The following TNFRSF8 variants were observed in gnomAD, a reference collection of about 807,000 sequenced individuals.
TNFRSF8 encodes the protein tumor necrosis factor receptor superfamily member 8.
A neutral mutation model predicts 70.8 loss-of-function variants in TNFRSF8; 26 were observed. That is an observed-to-expected ratio of 0.37 (90% CI 0.27 to 0.51). TNFRSF8 has a LOEUF of 0.51. TNFRSF8 is among the 20% of genes least tolerant of loss of function. The pLI, the probability that TNFRSF8 is intolerant of heterozygous loss-of-function variation, is 0.94. For synonymous variants in TNFRSF8, 356 were observed against 339.2 expected (o/e 1.05, Z -0.54); for missense variants, 720 against 807.9 (o/e 0.89, Z 1.32).
At chr1:12,135,550 A>G (rs1642130450) in intron 12 of TNFRSF8, 38 bp from the exon 13 acceptor site, 2 of 1,613,462 alleles carry the variant, frequency 1.2e-6, no homozygotes, top group Non-Finnish European at 1.7e-6. Flanking sequence ...GGGGGCTGCC[A>G]GACTCCTTGG....
chr1:12,116,816 A>G (rs746840614), intron 8 of TNFRSF8, among the ~76,000 whole-genome samples: 6 of 151,954 alleles, frequency 3.9e-5, no homozygotes, highest in Non-Finnish European at 8.8e-5. Flanking sequence ...AAAAAAAACC[A>G]AGTGGAGGGA....
chr1:12,075,373 G>A (rs1309285995), intron 1 of TNFRSF8, among the ~76,000 whole-genome samples: 4 of 151,862 alleles, frequency 2.6e-5, no homozygotes, highest in Non-Finnish European at 1.5e-5. Flanking sequence ...GGTGTGAACC[G>A]CTGCGCCTGT....
chr1:12,130,814 G>A (rs2101036937), intron 12 of TNFRSF8, among the ~76,000 whole-genome samples: 1 of 152,344 alleles, frequency 6.6e-6, no homozygotes, highest in South Asian at 2.1e-4. Context: ...ATTCCAAAAG[G>A]CAAGGAAACC....
intron 14 of TNFRSF8, among the ~76,000 whole-genome samples, chr1:12,140,918 C>T (rs1642241251): frequency 6.6e-6 from 1 of 152,046 alleles, no homozygotes; most frequent in South Asian, 2.1e-4. Context: ...TTTTGCCCAG[C>T]CCTCTATAGG....
intron 8 of TNFRSF8, among the ~76,000 whole-genome samples, chr1:12,121,400 T>G (rs1641826706): frequency 6.6e-6 from 1 of 152,098 alleles, no homozygotes; most frequent in Non-Finnish European, 1.5e-5. Context: ...TTGTACCACA[T>G]CAAAAAGGGG....
chr1:12,114,974 C>T (rs953965152), intron 7 of TNFRSF8, among the ~76,000 whole-genome samples: 4 of 151,748 alleles, frequency 2.6e-5, no homozygotes, highest in Non-Finnish European at 4.4e-5. Flanking sequence ...CCCAAAGTGC[C>T]GGGATTACAG....
Position 12,076,262 on chromosome 1 carries a change from G to A in TNFRSF8, c.64-8202G>A, listed in dbSNP as rs373931928. Reference sequence around the variant, plus strand: ...ATTACAGGCATAAGCCACCATGCCCGGCTAATTTTGTATTTTTAGTAGAGA... The same window carrying A: ...ATTACAGGCATAAGCCACCATGCCCAGCTAATTTTGTATTTTTAGTAGAGA... On this transcript the variant is annotated intron_variant, in intron 1 of 14. Coordinates refer to ENST00000263932, the MANE Select transcript of TNFRSF8 (RefSeq NM_001243.5). 7.2e-5 allele frequency among the ~76,000 whole-genome samples: 11 copies of A among 151,766 alleles called. No individual in the cohort carries two copies. In the East Asian group the frequency reaches 1.7e-3, roughly 24 times the overall value.
chr1:12,142,739 G>T lies in TNFRSF8; in HGVS notation c.*208G>T. 1 of 640,144 alleles carries T rather than the reference G, an allele frequency of 1.6e-6. No homozygotes were observed. Among genetic ancestry groups the T allele is most frequent in the Non-Finnish European group, 2.6e-6 (1 of 379,698 alleles). The allele number at this position is 640,144 out of a possible 1,614,324, so 39.7% of individuals were successfully genotyped here. ...CTGTCCCCTGACCCAGAGCCTAGGG[G>T]ATCCGGGGCTTGTACAGAAGAGACA... On this transcript the variant is annotated 3_prime_UTR_variant, in exon 15 of 15. Coordinates refer to ENST00000263932, the MANE Select transcript of TNFRSF8 (RefSeq NM_001243.5). The surrounding 1 kb of genome is among the most constrained non-coding windows in gnomAD (Gnocchi z 5.0).
intron 1 of TNFRSF8, among the ~76,000 whole-genome samples, chr1:12,069,081 C>T (rs1452873232): frequency 4.0e-5 from 6 of 149,056 alleles, no homozygotes; most frequent in Non-Finnish European, 8.9e-5. Flanking sequence ...CCATGCTGGC[C>T]AGGCTAGTCT....
chr1:12,084,339 G>A, intron 1 of TNFRSF8, 125 bp from the exon 2 acceptor site: 1 of 851,238 alleles, frequency 1.2e-6, no homozygotes, highest in Non-Finnish European at 1.9e-6. Context: ...GGAATCAGGA[G>A]TTCTCGTCCT....
intron 3 of TNFRSF8, among the ~76,000 whole-genome samples, chr1:12,102,165 C>T (rs757013666): frequency 2.0e-4 from 31 of 152,122 alleles, no homozygotes; most frequent in Non-Finnish European, 4.0e-4. Context: ...TGATGTTTGG[C>T]GACTTCTAGT....
At chr1:12,103,629 C>T (rs545700944) in intron 3 of TNFRSF8, among the ~76,000 whole-genome samples, 1 of 151,700 alleles carries the variant, frequency 6.6e-6, no homozygotes, top group African/African-American at 2.4e-5. Context: ...GCTACCATGC[C>T]TGGCTAATTT....
intron 1 of TNFRSF8, among the ~76,000 whole-genome samples, chr1:12,079,236 A>C (rs1641020426): frequency 1.3e-5 from 2 of 152,202 alleles, no homozygotes; most frequent in African/African-American, 4.8e-5. Context: ...GACAGACCTG[A>C]AAATGGTAAG....
At chr1:12,133,470 C>A (rs1148473) in intron 12 of TNFRSF8, among the ~76,000 whole-genome samples, 10 of 151,784 alleles carry the variant, frequency 6.6e-5, no homozygotes, top group African/African-American at 2.2e-4. Flanking sequence ...GGCCGGGTGC[C>A]GTGGCTCACG....
At chr1:12,125,041 G>C (rs186146648) in intron 10 of TNFRSF8, among the ~76,000 whole-genome samples, 2 of 152,166 alleles carry the variant, frequency 1.3e-5, no homozygotes, top group African/African-American at 4.8e-5. Flanking sequence ...GAACTTGTTA[G>C]GAAAGCAAAT....
At chr1:12,068,569 C>T (rs919655330) in intron 1 of TNFRSF8, among the ~76,000 whole-genome samples, 2 of 152,222 alleles carry the variant, frequency 1.3e-5, no homozygotes, top group African/African-American at 2.4e-5. Context: ...TGGTTGAAAA[C>T]CACTGGGCAT....
chr1:12,135,636 C>G (rs761714510), intron 13 of TNFRSF8, 23 bp downstream of exon 13: 1 of 1,613,786 alleles, frequency 6.2e-7, no homozygotes, highest in Admixed American at 1.7e-5. Context: ...CCCTTGCCCC[C>G]ACCTCAGCTT....
At chr1:12,068,101 G>C (rs550209543) in intron 1 of TNFRSF8, among the ~76,000 whole-genome samples, 14 of 152,282 alleles carry the variant, frequency 9.2e-5, no homozygotes, top group Non-Finnish European at 1.8e-4. Flanking sequence ...ATCTGACTTA[G>C]ACTCGTTTCT....
intron 12 of TNFRSF8, among the ~76,000 whole-genome samples, chr1:12,132,720 C>A (rs1642070122): frequency 6.6e-6 from 1 of 151,790 alleles, no homozygotes; most frequent in South Asian, 2.1e-4. Context: ...CACCTGTAGT[C>A]CCAGCTACTT....
Sources: allele counts gnomAD v4.1 joint callset (sites outside exome capture counted in the v4.1 genomes callset), GRCh38; gene constraint gnomAD v4.1.1; non-coding constraint Gnocchi (gnomAD v3.1); transcripts MANE v1.5; gene names NCBI Gene and HGNC (gene_info 2026-07-23, HGNC 2026-07-21).